The following KAT2B variants were observed in gnomAD, a reference collection of about 807,000 sequenced individuals.
KAT2B encodes lysine acetyltransferase 2B.
KAT2B carries 36 observed loss-of-function variants against 105.9 expected under a neutral mutation model. The observed-to-expected ratio is 0.34, with a 90% CI of 0.26 to 0.45. The LOEUF is 0.45. KAT2B is among the 20% of genes least tolerant of loss of function. The pLI is 1.00. For synonymous variants in KAT2B, 397 were observed against 377.9 expected (o/e 1.05, Z -0.59); for missense variants, 820 against 1,021.6 (o/e 0.80, Z 2.69).
chr3:20,109,061 T>C (rs1191099289), intron 5 of KAT2B, among the ~76,000 whole-genome samples: 1 of 152,194 alleles, frequency 6.6e-6, no homozygotes, highest in African/African-American at 2.4e-5. Flanking sequence ...TTTGTGTAGG[T>C]ACACTCTCCA....
intron 2 of KAT2B, among the ~76,000 whole-genome samples, chr3:20,085,511 CTT>C (rs11346744): frequency 9.8e-4 from 135 of 137,526 alleles, no homozygotes; most frequent in African/African-American, 1.5e-3. Context: ...TTCTTTCTTT[CTT>C]TTTTTTTTTT....
intron 6 of KAT2B, among the ~76,000 whole-genome samples, chr3:20,113,482 A>G (rs1230410928): frequency 6.6e-6 from 1 of 152,172 alleles, no homozygotes; most frequent in Non-Finnish European, 1.5e-5. Context: ...CCCTCAGCCC[A>G]TAGTTCTGGC....
At chr3:20,071,592 A>G (rs1441353658) in intron 1 of KAT2B, among the ~76,000 whole-genome samples, 1 of 152,234 alleles carries the variant, frequency 6.6e-6, no homozygotes, top group Non-Finnish European at 1.5e-5. Context: ...AGGTCAGATC[A>G]CTTAAAGAAG....
At chr3:20,140,164 C>A (rs1699672203) in intron 12 of KAT2B, 57 bp from the exon 13 acceptor site, 1 of 1,083,630 alleles carries the variant, frequency 9.2e-7, no homozygotes, top group South Asian at 1.3e-5. Context: ...ACATAGTTAG[C>A]ACTCAGTAGA....
chr3:20,040,893 G>T lies in KAT2B; in HGVS notation c.303+113G>T, dbSNP rs1364307227. 8 of 1,274,036 alleles carry T rather than the reference G, an allele frequency of 6.3e-6. No homozygotes were observed. In the Admixed American group the frequency reaches 2.8e-4, roughly 44 times the overall value. 78.9% of individuals were successfully genotyped at this position (1,274,036 alleles called of 1,614,324 possible). On this transcript the variant is annotated intron_variant, in intron 1 of 17. Transcript: ENST00000263754. ...TCCCGCCTCCTGCCTCTCGCCTCCC[G>T]CCTGGGGCCGCTGCACCGCGGAAGT...
At chr3:20,141,827 T>C (rs920215525) in intron 13 of KAT2B, among the ~76,000 whole-genome samples, 11 of 151,904 alleles carry the variant, frequency 7.2e-5, no homozygotes, top group Non-Finnish European at 1.2e-4. Context: ...TTTTGTTGCT[T>C]TTTGTTCAAA....
chr3:20,124,697 G>C (rs1400775679), intron 9 of KAT2B, among the ~76,000 whole-genome samples: 1 of 152,204 alleles, frequency 6.6e-6, no homozygotes, highest in Non-Finnish European at 1.5e-5. Context: ...TAGTGTACTA[G>C]AGCTGGCTTG....
At chr3:20,058,567 G>A (rs1698042754) in intron 1 of KAT2B, among the ~76,000 whole-genome samples, 1 of 144,196 alleles carries the variant, frequency 6.9e-6, no homozygotes, top group Non-Finnish European at 1.5e-5. Context: ...AGGCAGTTTT[G>A]TTCTCCTGAG....
intron 1 of KAT2B, among the ~76,000 whole-genome samples, chr3:20,062,229 T>TATG (rs1698138339): frequency 2.3e-5 from 1 of 43,748 alleles, no homozygotes; most frequent in Non-Finnish European, 4.6e-5. Context: ...TATATAAAAA[T>TATG]ATATATAAAA....
chr3:20,059,683 C>T (rs1025375631), intron 1 of KAT2B, among the ~76,000 whole-genome samples: 11 of 152,000 alleles, frequency 7.2e-5, no homozygotes, highest in Admixed American at 3.9e-4. Context: ...CCAGCCTGGG[C>T]GACTGAGCGA....
intron 11 of KAT2B, among the ~76,000 whole-genome samples, chr3:20,130,313 C>T (rs1699486314): frequency 6.6e-6 from 1 of 152,328 alleles, no homozygotes; most frequent in South Asian, 2.1e-4. Flanking sequence ...AAACTGATCT[C>T]TGGCTCATTT....
intron 2 of KAT2B, among the ~76,000 whole-genome samples, chr3:20,074,806 TC>T (rs1388635612): frequency 6.6e-6 from 1 of 152,202 alleles, no homozygotes; most frequent in African/African-American, 2.4e-5. Flanking sequence ...GAGTATTGGT[TC>T]AGGATTTAAA....
intron 9 of KAT2B, among the ~76,000 whole-genome samples, chr3:20,125,002 A>G (rs887524068): frequency 3.9e-5 from 6 of 152,204 alleles, no homozygotes; most frequent in African/African-American, 1.4e-4. Context: ...CTGGAAAGAA[A>G]ACTGTTCTTT....
intron 1 of KAT2B, among the ~76,000 whole-genome samples, chr3:20,062,464 T>TTATATA (rs376524638): frequency 7.9e-6 from 1 of 126,408 alleles, no homozygotes; most frequent in East Asian, 2.1e-4. Context: ...ATATTTTATT[T>TTATATA]TATATATATA....
At chr3:20,147,355 TG>T (rs1170087543) in intron 14 of KAT2B, among the ~76,000 whole-genome samples, 1 of 151,628 alleles carries the variant, frequency 6.6e-6, no homozygotes, top group Admixed American at 6.6e-5. Context: ...TATCTGTTTT[TG>T]TTTTTTTTTT....
intron 8 of KAT2B, among the ~76,000 whole-genome samples, chr3:20,120,207 CA>C (rs1699282753): frequency 1.3e-5 from 2 of 149,044 alleles, no homozygotes; most frequent in African/African-American, 5.0e-5. Flanking sequence ...TCACTTCTGC[CA>C]CATTCTTTTT....
Position 20,125,947 on chromosome 3 carries a change from A to G in KAT2B, c.1456A>G (p.Arg486Gly). ...SAHSARDEAA[R>G]LEERRGVIEF... ...ACACTCGGCCAGGGATGAGGCGGCA[A>G]GGTTGGAAGAGCGCAGGGGTGTAAT... The change falls in exon 10 of 18, where the codon AGG (arginine) becomes GGG (glycine). Residue 486 changes from arginine to glycine, a missense_variant. Physicochemically the swap from Arg to Gly is moderately radical, Grantham distance 125. Transcript: ENST00000263754. 1 of 1,614,008 alleles carries G rather than the reference A, an allele frequency of 6.2e-7. No homozygotes were observed. The highest frequency in any genetic ancestry group is 8.5e-7 in the Non-Finnish European group (1 of 1,179,932).
chr3:20,117,204 G>C (rs1022289467), intron 7 of KAT2B, among the ~76,000 whole-genome samples: 22 of 152,132 alleles, frequency 1.4e-4, no homozygotes, highest in African/African-American at 5.3e-4. Context: ...TGTTGCCTGT[G>C]ACCCTATGGG....
intron 8 of KAT2B, among the ~76,000 whole-genome samples, chr3:20,122,148 C>G (rs1699322595): frequency 6.6e-6 from 1 of 152,074 alleles, no homozygotes; most frequent in Non-Finnish European, 1.5e-5. Context: ...CAGTAAGGCT[C>G]TTACTGATAT....
Sources: gnomAD v4.1 joint callset for allele counts (sites outside exome capture counted in the v4.1 genomes callset) on GRCh38, gnomAD v4.1.1 for gene constraint, MANE v1.5 for transcripts, NCBI Gene and HGNC (gene_info 2026-07-23, HGNC 2026-07-21) for gene names.